Variants in ZNF793 observed in about 807,000 individuals in gnomAD.
ZNF793 encodes the protein zinc finger protein 793.
A neutral mutation model predicts 12.4 loss-of-function variants in ZNF793; 5 were observed. The ratio of observed to expected loss-of-function variants is 0.40; its 90% confidence interval spans 0.21 to 0.84. The LOEUF (loss-of-function observed/expected upper bound fraction) is 0.84. ZNF793 is among the 40% of genes least tolerant of loss of function. The pLI, the probability that ZNF793 is intolerant of heterozygous loss-of-function variation, is 0.35. For missense variants in ZNF793, 456 were observed against 495.0 expected (o/e 0.92, Z 0.75); for synonymous variants, 162 against 172.4 (o/e 0.94, Z 0.47).
At chr19:37,528,727 T>C (rs541163794) in intron 5 of ZNF793, among the ~76,000 whole-genome samples, 12 of 152,186 alleles carry the variant, frequency 7.9e-5, no homozygotes, top group Non-Finnish European at 1.5e-4. Context: ...TTTTGTTCTC[T>C]GTGCCCATAA....
intron 3 of ZNF793, among the ~76,000 whole-genome samples, chr19:37,521,958 CT>C (rs1379793224): frequency 6.6e-6 from 1 of 152,060 alleles, no homozygotes; most frequent in African/African-American, 2.4e-5. Context: ...TTAAGACTAA[CT>C]TGCAGACATG....
chr19:37,520,711 TCTG>T (rs1390026514), intron 3 of ZNF793, among the ~76,000 whole-genome samples: 2 of 152,054 alleles, frequency 1.3e-5, no homozygotes, highest in African/African-American at 4.8e-5. Context: ...GTGTGGCCCA[TCTG>T]CTTCTTTATT....
Position 37,537,217 on chromosome 19 carries a change from C to T in ZNF793, c.559C>T (p.Pro187Ser), listed in dbSNP as rs373385714. 4 of 1,613,718 alleles carry T rather than the reference C, an allele frequency of 2.5e-6. No homozygotes were observed. The highest frequency in any genetic ancestry group is 2.7e-5 in the African/African-American group (2 of 74,928). The change falls in exon 8 of 8, where the codon CCC becomes TCC. Residue 187 changes from proline (P) to serine (S), a missense_variant. Pro to Ser is a moderately conservative substitution (Grantham distance 74, BLOSUM62 -1). Transcript: ENST00000627814. ...TGGTAGACGACCTAATGGAGAAAAG[C>T]CCCGGGGTTGCAGTCACTGTGAGAA... ...NHGRRPNGEK[P>S]RGCSHCEKAF... is the part of the protein sequence containing the mutation.
At chr19:37,536,260 A>C (rs1399866172) in intron 7 of ZNF793, 1 of 393,812 alleles carries the variant, frequency 2.5e-6, no homozygotes, top group South Asian at 1.4e-4. Context: ...GATGACTGCT[A>C]TACCAGTGCT....
Position 37,539,886 on chromosome 19 carries a change from T to C in ZNF793, c.*2007T>C, listed in dbSNP as rs1256694001. On this transcript the variant is annotated 3_prime_UTR_variant, in exon 8 of 8. Coordinates refer to ENST00000627814, the MANE Select transcript of ZNF793 (RefSeq NM_001013659.3). Reference sequence around the variant, plus strand: ...TCTTTTAAAGAAAGAGTAATACCAGTGTTATTTATTATATGGATGTAATAC... The same window carrying C: ...TCTTTTAAAGAAAGAGTAATACCAGCGTTATTTATTATATGGATGTAATAC... 6.6e-6 allele frequency: 1 copy of C among 152,156 alleles called. No individual in the cohort carries two copies. Among genetic ancestry groups the C allele is most frequent in the Non-Finnish European group, 1.5e-5 (1 of 68,020 alleles). 9.4% of individuals were successfully genotyped at this position (152,156 alleles called of 1,614,324 possible).
rs965162 is a variant in ZNF793, at chr19:37,516,042, C to T, written c.-275-4142C>T. The stretch of plus-strand genomic sequence containing the variant: ...ATACAGCTTCAGGAGATAGAGGCTA[C>T]GACCTAAGAGGAAGAATAAGTTGAG... On this transcript the variant is annotated intron_variant, in intron 2 of 7. Coordinates refer to ENST00000627814, the MANE Select transcript of ZNF793 (RefSeq NM_001013659.3). 3.4e-3 allele frequency among the ~76,000 whole-genome samples: 521 copies of T among 151,372 alleles called. 4 individuals are homozygous for T. Among genetic ancestry groups the T allele is most frequent in the African/African-American group, 0.012 (485 of 41,484 alleles).
chr19:37,531,573 C>CCTGCATAG (rs1340078773), intron 5 of ZNF793, among the ~76,000 whole-genome samples: 1 of 152,178 alleles, frequency 6.6e-6, no homozygotes, highest in Admixed American at 6.5e-5. Flanking sequence ...CCTTTGTTCC[C>CCTGCATAG]ACTGCTCCCC....
At chr19:37,532,317 T>A (rs369622795) in intron 5 of ZNF793, 39 bp from the exon 6 acceptor site, 1 of 1,595,496 alleles carries the variant, frequency 6.3e-7, no homozygotes, top group Non-Finnish European at 8.5e-7. Context: ...CACAAACATT[T>A]TTTTTCGACA....
chr19:37,536,345 C>A (rs371548590), intron 7 of ZNF793: 1 of 397,596 alleles, frequency 2.5e-6, no homozygotes, highest in Non-Finnish European at 4.4e-6. Flanking sequence ...AGGTCTGGGG[C>A]GGTGCCTTAG....
chr19:37,528,436 CATT>C (rs1051770060), intron 5 of ZNF793, among the ~76,000 whole-genome samples: 2 of 151,932 alleles, frequency 1.3e-5, no homozygotes, highest in African/African-American at 4.8e-5. Flanking sequence ...CCAAAGCCCT[CATT>C]ATAAACCACA....
At chr19:37,516,721 A>C (rs1346767398) in intron 2 of ZNF793, among the ~76,000 whole-genome samples, 1 of 151,538 alleles carries the variant, frequency 6.6e-6, no homozygotes, top group Non-Finnish European at 1.5e-5. Context: ...ATCTCAGCTC[A>C]CTGTAACCTC....
At chr19:37,509,302 T>C (rs2042274965) in intron 2 of ZNF793, among the ~76,000 whole-genome samples, 1 of 152,212 alleles carries the variant, frequency 6.6e-6, no homozygotes, top group Non-Finnish European at 1.5e-5. Context: ...TGTGTACACA[T>C]TATTATCTTA....
At chr19:37,510,683 C>CA (rs1049585878) in intron 2 of ZNF793, among the ~76,000 whole-genome samples, 25 of 140,160 alleles carry the variant, frequency 1.8e-4, no homozygotes, top group Admixed American at 2.9e-4. Flanking sequence ...GACCCTGTTT[C>CA]AAAAAAAAAA....
chr19:37,530,513 AGTG>A (rs2042451044), intron 5 of ZNF793, among the ~76,000 whole-genome samples: 1 of 151,988 alleles, frequency 6.6e-6, no homozygotes, highest in African/African-American at 2.4e-5. Flanking sequence ...GAGATTAGGG[AGTG>A]GTGATGACTC....
intron 2 of ZNF793, among the ~76,000 whole-genome samples, chr19:37,512,869 C>A: frequency 6.6e-6 from 1 of 152,068 alleles, no homozygotes; most frequent in East Asian, 1.9e-4. Context: ...TCCAGTGTTA[C>A]ATGTTGTATT....
At chr19:37,532,315 T>C (rs762412780) in intron 5 of ZNF793, 41 bp from the exon 6 acceptor site, 3 of 1,580,000 alleles carry the variant, frequency 1.9e-6, no homozygotes, top group South Asian at 2.3e-5. Flanking sequence ...TGCACAAACA[T>C]TTTTTTTCGA....
chr19:37,523,811 T>C (rs2042392618), intron 5 of ZNF793, among the ~76,000 whole-genome samples: 1 of 152,176 alleles, frequency 6.6e-6, no homozygotes, highest in Non-Finnish European at 1.5e-5. Flanking sequence ...AGGGTAGATA[T>C]CCTTGGATGG....
In ZNF793 at chr19:37,537,869, G is replaced by GAA; in HGVS notation, c.1213_1214dup (p.Asn405LysfsTer13). On this transcript the variant is annotated frameshift_variant, in exon 8 of 8. Transcript: ENST00000627814. LOFTEE classifies it high-confidence loss of function. ...AGGAATGAAAACTTAATAATTGTGGGAAATACTTGAGCAAAATATCTGGTT... is the reference window on the plus strand; with the variant it reads ...AGGAATGAAAACTTAATAATTGTGGGAAAAATACTTGAGCAAAATATCTGGTT... The GAA allele has an allele frequency of 6.3e-7, 1 of 1,578,714 alleles. No individual in the cohort carries two copies. The highest frequency in any genetic ancestry group is 1.1e-5 in the South Asian group (1 of 87,160).
chr19:37,510,714 T>G (rs1024256468), intron 2 of ZNF793, among the ~76,000 whole-genome samples: 26 of 150,358 alleles, frequency 1.7e-4, no homozygotes, highest in Non-Finnish European at 3.4e-4. Context: ...TTTTTTTTTT[T>G]GAGACAGGGT....
Sources: allele counts gnomAD v4.1 joint callset (sites outside exome capture counted in the v4.1 genomes callset), GRCh38; gene constraint gnomAD v4.1.1; transcripts MANE v1.5; gene names NCBI Gene and HGNC (gene_info 2026-07-23, HGNC 2026-07-21).